PLXNA4: variants seen among roughly 807,000 people sequenced by gnomAD.
The protein encoded by PLXNA4 is plexin-A4.
Under a neutral mutation model 191.8 loss-of-function variants are expected in PLXNA4, and 44 were observed. That is an observed-to-expected ratio of 0.23 (90% CI 0.18 to 0.29). The LOEUF (loss-of-function observed/expected upper bound fraction) is 0.29, where lower values mean the gene tolerates loss of function less well. PLXNA4 is among the 10% of genes least tolerant of loss of function. The probability of loss-of-function intolerance (pLI) is 1.00; values close to 1 mark genes in which losing one functional copy is unlikely to be tolerated. For missense variants in PLXNA4, 1,800 were observed against 2,488.8 expected (o/e 0.72, Z 5.89); for synonymous variants, 1,082 against 1,009.5 (o/e 1.07, Z -1.36).
In PLXNA4 at chr7:132,234,298, C is replaced by T. The variant is rs765049403; in HGVS notation, c.1605-5829G>A. On this transcript the variant is annotated intron_variant, in intron 5 of 31. Transcript: ENST00000321063. ...AGCCTGGTGTCTTCATGTCCATTAACGTCACCAAGTCCAGTAGGCTTGGTG... is the reference window on the plus strand; with the variant it reads ...AGCCTGGTGTCTTCATGTCCATTAATGTCACCAAGTCCAGTAGGCTTGGTG... Among the ~76,000 whole-genome samples the T allele has an allele frequency of 8.5e-5, 13 of 152,208 alleles. No homozygotes were observed. The South Asian group carries it at 2.3e-3, about 27-fold the overall frequency.
intron 3 of PLXNA4, among the ~76,000 whole-genome samples, chr7:132,305,566 G>A (rs765700915): frequency 3.3e-5 from 5 of 152,130 alleles, no homozygotes; most frequent in South Asian, 2.1e-4. Context: ...GTGAGTCTCC[G>A]CACTGCCAGA....
chr7:132,385,817 C>T (rs1447703069), intron 3 of PLXNA4, among the ~76,000 whole-genome samples: 2 of 152,320 alleles, frequency 1.3e-5, no homozygotes, highest in South Asian at 4.1e-4. Context: ...TAATAATTTG[C>T]ACAAATTAAA....
chr7:132,507,354 A>C (rs1409656844), intron 2 of PLXNA4, 152 bp downstream of exon 2: 2 of 840,432 alleles, frequency 2.4e-6, no homozygotes, highest in African/African-American at 3.4e-5. Flanking sequence ...ATTTGGTGAC[A>C]CTCTGGGTCC....
Position 132,203,499 on chromosome 7 carries a change from G to T in PLXNA4, c.2299-80C>A, listed in dbSNP as rs140089309. 2.4e-6 allele frequency: 3 copies of T among 1,263,202 alleles called. No individual in the cohort carries two copies. The East Asian group carries it at 6.9e-5, about 29-fold the overall frequency. The allele number at this position is 1,263,202 out of a possible 1,614,324, so 78.2% of individuals were successfully genotyped here. The stretch of plus-strand genomic sequence containing the variant: ...GAGAGGGCCCAAATGATCAGCCTAC[G>T]GCCGTTAAGAGCTCACAGGCTAAAG... On this transcript the variant is annotated intron_variant, in intron 10 of 31. Transcript: ENST00000321063.
At chr7:132,389,671 C>G (rs1376259421) in intron 3 of PLXNA4, among the ~76,000 whole-genome samples, 1 of 152,140 alleles carries the variant, frequency 6.6e-6, no homozygotes, top group Non-Finnish European at 1.5e-5. Context: ...GTTACTATAG[C>G]CTTGTAGTAT....
At chr7:132,380,298 CTGG>C (rs1054360835) in intron 3 of PLXNA4, among the ~76,000 whole-genome samples, 1 of 152,122 alleles carries the variant, frequency 6.6e-6, no homozygotes, top group Non-Finnish European at 1.5e-5. Flanking sequence ...GCACCAGGCC[CTGG>C]TGGTGATAAC....
chr7:132,569,699 G>A (rs948114215), intron 1 of PLXNA4, among the ~76,000 whole-genome samples: 2 of 152,192 alleles, frequency 1.3e-5, no homozygotes, highest in African/African-American at 4.8e-5. Flanking sequence ...TGGTTTTTAA[G>A]CAAGGGGACA....
chr7:132,574,312 C>G (rs936508364), intron 1 of PLXNA4, among the ~76,000 whole-genome samples: 5 of 152,224 alleles, frequency 3.3e-5, no homozygotes, highest in African/African-American at 1.2e-4. Context: ...CTTCCAGGTC[C>G]CATGAGGGAC....
At chr7:132,259,465 AAAAAAAAAGAAAAAAGGAAAAAAG>A (rs1799552215) in intron 4 of PLXNA4, among the ~76,000 whole-genome samples, 3 of 139,178 alleles carry the variant, frequency 2.2e-5, no homozygotes, top group African/African-American at 8.5e-5. Flanking sequence ...AAAAAAAAAA[AAAAAAAAAGAAAAAAGGAAAAAAG>A]AAAAGCAAAA....
At chr7:132,279,950 C>A (rs1277367482) in intron 4 of PLXNA4, among the ~76,000 whole-genome samples, 1 of 152,194 alleles carries the variant, frequency 6.6e-6, no homozygotes, top group Non-Finnish European at 1.5e-5. Context: ...TTGACCATGA[C>A]TCATGGCAAG....
intron 3 of PLXNA4, among the ~76,000 whole-genome samples, chr7:132,429,683 G>T (rs1010990107): frequency 6.6e-6 from 1 of 152,164 alleles, no homozygotes; most frequent in Non-Finnish European, 1.5e-5. Flanking sequence ...CCATGGGTTG[G>T]AGTTTGCCGA....
chr7:132,287,609 C>T (rs1800730944), intron 4 of PLXNA4, among the ~76,000 whole-genome samples: 1 of 152,194 alleles, frequency 6.6e-6, no homozygotes, highest in Admixed American at 6.5e-5. Context: ...ACTTTCTGGT[C>T]ACCCCCATGG....
At chr7:132,229,711 A>G (rs10249903) in intron 5 of PLXNA4, among the ~76,000 whole-genome samples, 57,516 of 151,810 alleles carry the variant, frequency 0.38, 11,302 homozygotes, top group East Asian at 0.6. Flanking sequence ...GACACAGAAC[A>G]GCCAGGGATA....
chr7:132,368,750 T>C (rs972812051), intron 3 of PLXNA4, among the ~76,000 whole-genome samples: 1 of 152,188 alleles, frequency 6.6e-6, no homozygotes, highest in Non-Finnish European at 1.5e-5. Flanking sequence ...GCTGAGGAGC[T>C]GGGCCCCGCC....
intron 4 of PLXNA4, among the ~76,000 whole-genome samples, chr7:132,264,568 G>C (rs1799773449): frequency 6.6e-6 from 1 of 152,124 alleles, no homozygotes; most frequent in Middle Eastern, 3.4e-3. Context: ...CACAGGGCGA[G>C]CTGGGTTTAT....
intron 3 of PLXNA4, chr7:132,352,410 G>C (rs1348256425): frequency 6.6e-6 from 1 of 152,304 alleles, no homozygotes; most frequent in Admixed American, 6.5e-5. Context: ...AGGGAGGCCA[G>C]CCTCCCCCTC....
chr7:132,145,314 A>G, intron 28 of PLXNA4, 26 bp from the exon 29 acceptor site: 2 of 1,612,752 alleles, frequency 1.2e-6, no homozygotes, highest in Non-Finnish European at 1.7e-6. Flanking sequence ...ACGTCCAGAC[A>G]CAGCTCGACT....
chr7:132,226,151 G>A lies in PLXNA4; in HGVS notation c.1982+10C>T. Reference sequence around the variant, plus strand: ...AGGAACGGGAAGTGGGTAAGGCTGGGGCCACTTACGAATTGTGGACGCTGC... The same window carrying A: ...AGGAACGGGAAGTGGGTAAGGCTGGAGCCACTTACGAATTGTGGACGCTGC... On this transcript the variant is annotated intron_variant, in intron 8 of 31. Transcript: ENST00000321063. The A allele has an allele frequency of 1.9e-6, 3 of 1,610,912 alleles. No individual in the cohort carries two copies. Among genetic ancestry groups the A allele is most frequent in the Non-Finnish European group, 2.5e-6 (3 of 1,177,318 alleles).
At chr7:132,552,511 GA>G (rs1800607444) in intron 1 of PLXNA4, among the ~76,000 whole-genome samples, 1 of 152,182 alleles carries the variant, frequency 6.6e-6, no homozygotes, top group Admixed American at 6.5e-5. Flanking sequence ...CTGGGGGTGG[GA>G]ATGGGGCAGC....
Sources: gnomAD v4.1 joint callset for allele counts (sites outside exome capture counted in the v4.1 genomes callset) on GRCh38, gnomAD v4.1.1 for gene constraint, MANE v1.5 for transcripts, NCBI Gene and HGNC (gene_info 2026-07-23, HGNC 2026-07-21) for gene names.